The following ADORA2B variants were observed in gnomAD, a reference collection of about 807,000 sequenced individuals.
The protein encoded by ADORA2B is adenosine receptor A2b.
Under a neutral mutation model 20.8 loss-of-function variants are expected in ADORA2B, and 18 were observed. The ratio of observed to expected loss-of-function variants is 0.87; its 90% confidence interval spans 0.60 to 1.29. The LOEUF (loss-of-function observed/expected upper bound fraction) is 1.29, where lower values mean the gene tolerates loss of function less well. ADORA2B is among the 50% of genes most tolerant of loss of function. ADORA2B has a pLI of 0.00. For synonymous variants in ADORA2B, 179 were observed against 178.3 expected (o/e 1.00, Z -0.03); for missense variants, 441 against 422.7 (o/e 1.04, Z -0.38).
chr17:15,922,160 TC>T, the ADORA2B span, among the ~76,000 whole-genome samples: 2 of 152,334 alleles, frequency 1.3e-5, no homozygotes, highest in Admixed American at 1.3e-4. Context: ...CACTCAGTCT[TC>T]CCTTCCCTTC....
chr17:15,963,325 C>T (rs1408725892), intron 1 of ADORA2B, among the ~76,000 whole-genome samples: 1 of 152,100 alleles, frequency 6.6e-6, no homozygotes, highest in Non-Finnish European at 1.5e-5. Flanking sequence ...CACAAGATAC[C>T]TGCTAATTAA....
At chr17:15,885,446 C>T in the ADORA2B span, among the ~76,000 whole-genome samples, 1,506 of 152,192 alleles carry the variant, frequency 9.9e-3, 22 homozygotes, top group African/African-American at 0.034. Flanking sequence ...AGGCGTGGTG[C>T]GTCACGCCTG....
the ADORA2B span, among the ~76,000 whole-genome samples, chr17:15,874,056 ATATGTGTGTGTG>A: frequency 1.2e-5 from 1 of 82,354 alleles, no homozygotes; most frequent in African/African-American, 4.4e-5. Flanking sequence ...ATATATATAT[ATATGTGTGTGTG>A]TATATATATA....
chr17:15,944,120 G>A (rs958442893), upstream of ADORA2B, among the ~76,000 whole-genome samples: 5 of 152,194 alleles, frequency 3.3e-5, no homozygotes, highest in Non-Finnish European at 7.3e-5. The surrounding 1 kb of genome is among the most constrained non-coding windows in gnomAD (Gnocchi z 4.8). Flanking sequence ...CGAAGGCTCA[G>A]GGTGTCAGCA....
At chr17:15,940,407 G>A (rs147824391), upstream of ADORA2B, among the ~76,000 whole-genome samples, 8 of 152,308 alleles carry the variant, frequency 5.3e-5, no homozygotes, top group East Asian at 1.9e-4. Flanking sequence ...CTTGGATGTC[G>A]GAGAGAAGTA....
chr17:15,966,966 G>T (rs935128816), intron 1 of ADORA2B, among the ~76,000 whole-genome samples: 15 of 152,250 alleles, frequency 9.9e-5, no homozygotes. Context: ...ACGGAAGGAC[G>T]TGGCCCATGC....
chr17:15,929,048 C>T, the ADORA2B span, among the ~76,000 whole-genome samples: 2 of 152,190 alleles, frequency 1.3e-5, no homozygotes, highest in East Asian at 3.9e-4. Flanking sequence ...AAAACAGACA[C>T]CCCTTGAGAG....
At chr17:15,870,709 C>T in the ADORA2B span, among the ~76,000 whole-genome samples, 1 of 152,208 alleles carries the variant, frequency 6.6e-6, no homozygotes, top group South Asian at 2.1e-4. Context: ...TCTGCTTAGC[C>T]AACAGCAAGC....
chr17:15,897,462 G>T, the ADORA2B span, among the ~76,000 whole-genome samples: 1 of 152,060 alleles, frequency 6.6e-6, no homozygotes, highest in Admixed American at 6.6e-5. Context: ...CAGCTAACTG[G>T]GACTCTGAGG....
the ADORA2B span, among the ~76,000 whole-genome samples, chr17:15,859,303 C>T: frequency 1.3e-5 from 2 of 151,656 alleles, no homozygotes; most frequent in Admixed American, 6.6e-5. Context: ...CAGCAATCCC[C>T]AGAAGTTGCT....
At chr17:15,883,038 C>A in the ADORA2B span, among the ~76,000 whole-genome samples, 24 of 152,306 alleles carry the variant, frequency 1.6e-4, no homozygotes, top group South Asian at 5.0e-3. Context: ...TTTCCATTCC[C>A]TTACTCATGA....
At chr17:15,869,249 G>A in the ADORA2B span, among the ~76,000 whole-genome samples, 8 of 151,708 alleles carry the variant, frequency 5.3e-5, no homozygotes, top group African/African-American at 1.9e-4. Flanking sequence ...AAACTCAGGA[G>A]GCAGTGGTGG....
rs1597433773 is a variant in ADORA2B at position 15,975,547 on chromosome 17, T to C, written c.*205T>C. The C allele has an allele frequency of 3.4e-6, 2 of 587,172 alleles. No homozygotes were observed. The highest frequency in any genetic ancestry group is 5.7e-5 in the East Asian group (2 of 35,384). The allele number at this position is 587,172 out of a possible 1,614,324, so 36.4% of individuals were successfully genotyped here. A position where few individuals can be genotyped will look rare whatever the true frequency, so the allele number is the denominator to read the frequency against. On this transcript the variant is annotated 3_prime_UTR_variant, in exon 2 of 2. Transcript: ENST00000304222. ...GATTGACAAATATATTTATGATCTA[T>C]TCAGCTGCTTTTACTGTGTGGATTA...
chr17:15,924,031 G>A, the ADORA2B span, among the ~76,000 whole-genome samples: 2 of 152,014 alleles, frequency 1.3e-5, no homozygotes, highest in South Asian at 2.1e-4. Context: ...TCCTGCCTTC[G>A]CCTCCAGAGT....
the ADORA2B span, among the ~76,000 whole-genome samples, chr17:15,868,802 C>T: frequency 6.7e-6 from 1 of 150,022 alleles, no homozygotes; most frequent in Non-Finnish European, 1.5e-5. Context: ...ACAAAAAAAC[C>T]CCACCAAATA....
the ADORA2B span, among the ~76,000 whole-genome samples, chr17:15,922,648 T>G: frequency 1.3e-5 from 2 of 152,244 alleles, no homozygotes; most frequent in African/African-American, 4.8e-5. Flanking sequence ...TCTTTTGCTC[T>G]TATGACAATG....
At chr17:15,927,620 C>T in the ADORA2B span, among the ~76,000 whole-genome samples, 6 of 152,164 alleles carry the variant, frequency 3.9e-5, no homozygotes, top group Non-Finnish European at 7.3e-5. Context: ...GCACTCCAGC[C>T]TGAGCAACAA....
At chr17:15,945,846 G>T (rs997387725) in intron 1 of ADORA2B, among the ~76,000 whole-genome samples, 3 of 151,998 alleles carry the variant, frequency 2.0e-5, no homozygotes, top group Non-Finnish European at 4.4e-5. Context: ...TGCGGTCCCC[G>T]GCGCCCGGGG....
the ADORA2B span, among the ~76,000 whole-genome samples, chr17:15,896,176 T>G: frequency 3.9e-5 from 6 of 152,176 alleles, no homozygotes; most frequent in African/African-American, 1.4e-4. Flanking sequence ...GGGCTTATAG[T>G]ACACAATAGC....
Sources: gnomAD v4.1 joint callset for allele counts (sites outside exome capture counted in the v4.1 genomes callset) on GRCh38, gnomAD v4.1.1 for gene constraint, Gnocchi (gnomAD v3.1) non-coding constraint, MANE v1.5 for transcripts, NCBI Gene and HGNC (gene_info 2026-07-23, HGNC 2026-07-21) for gene names.